The following KCNJ3 variants were observed in gnomAD, a reference collection of about 807,000 sequenced individuals.
KCNJ3 encodes G protein-activated inward rectifier potassium channel 1.
In KCNJ3, 4 loss-of-function variants were observed where a neutral mutation model predicts 39.2. The ratio of observed to expected loss-of-function variants is 0.10; its 90% CI spans 0.05 to 0.23. KCNJ3 has a LOEUF of 0.23. Ranked by LOEUF, KCNJ3 falls within the 10% of genes least tolerant of loss-of-function variation. The pLI is 1.00. For synonymous variants in KCNJ3, 230 were observed against 237.4 expected, an observed-to-expected ratio of 0.97 and a Z score of 0.29; for missense variants, 276 against 634.9, an observed-to-expected ratio of 0.43 and a Z score of 6.08.
chr2:154,843,450 G>A (rs868864180), intron 2 of KCNJ3, among the ~76,000 whole-genome samples: 2 of 152,076 alleles, frequency 1.3e-5, no homozygotes, highest in Non-Finnish European at 2.9e-5. Context: ...TCTTTGTGGT[G>A]TTCTCTGTAT....
At chr2:154,854,662 C>A in intron 2 of KCNJ3, 65 bp from the exon 3 acceptor site, 1 of 1,226,670 alleles carries the variant, frequency 8.2e-7, no homozygotes, top group Non-Finnish European at 1.2e-6. Context: ...ATTATTTAGG[C>A]CAAACCGGCT....
intron 2 of KCNJ3, among the ~76,000 whole-genome samples, chr2:154,779,669 G>A (rs1036979511): frequency 6.6e-6 from 1 of 150,854 alleles, no homozygotes; most frequent in Non-Finnish European, 1.5e-5. Flanking sequence ...TCAGCCTCCC[G>A]AGTAGCTGGG....
intron 2 of KCNJ3, among the ~76,000 whole-genome samples, chr2:154,795,230 T>A (rs1000662301): frequency 3.3e-5 from 5 of 152,072 alleles, no homozygotes; most frequent in Admixed American, 1.3e-4. Context: ...CAAACAAGTA[T>A]ACATTGTTCA....
chr2:154,847,625 TGTA>T (rs1369308115), intron 2 of KCNJ3, among the ~76,000 whole-genome samples: 1 of 152,216 alleles, frequency 6.6e-6, no homozygotes, highest in Non-Finnish European at 1.5e-5. Flanking sequence ...AAATGAAAGT[TGTA>T]GTCATATAGC....
chr2:154,730,781 A>T (rs1290264403), intron 2 of KCNJ3, among the ~76,000 whole-genome samples: 2 of 152,078 alleles, frequency 1.3e-5, no homozygotes, highest in African/African-American at 4.8e-5. Context: ...AACATATTCT[A>T]GTTTGAATCT....
At chr2:154,725,448 T>C (rs757132035) in intron 2 of KCNJ3, among the ~76,000 whole-genome samples, 6 of 152,006 alleles carry the variant, frequency 3.9e-5, no homozygotes, top group Non-Finnish European at 7.4e-5. Flanking sequence ...CAGTTCAGTG[T>C]GTCATTTTGT....
At chr2:154,722,336 T>C (rs977820448) in intron 2 of KCNJ3, among the ~76,000 whole-genome samples, 2 of 152,004 alleles carry the variant, frequency 1.3e-5, no homozygotes, top group African/African-American at 2.4e-5. Flanking sequence ...TGATGAGTAG[T>C]GTAAATTGGG....
intron 2 of KCNJ3, among the ~76,000 whole-genome samples, chr2:154,755,111 T>C (rs1049254497): frequency 1.3e-5 from 2 of 152,130 alleles, no homozygotes. Context: ...TAATTGGAAA[T>C]GTGTATTTTT....
chr2:154,854,402 T>G (rs968272551), intron 2 of KCNJ3, among the ~76,000 whole-genome samples: 3 of 152,202 alleles, frequency 2.0e-5, no homozygotes, highest in African/African-American at 7.2e-5. Flanking sequence ...TTACATAATT[T>G]TTCCACTTAT....
At chr2:154,708,193 A>G (rs561942489) in intron 1 of KCNJ3, among the ~76,000 whole-genome samples, 154 of 152,278 alleles carry the variant, frequency 1.0e-3, no homozygotes, top group African/African-American at 3.5e-3. Flanking sequence ...TACACAAATA[A>G]TATCCGTGAA....
At chr2:154,712,849 T>G (rs1203697491) in intron 2 of KCNJ3, among the ~76,000 whole-genome samples, 6 of 151,960 alleles carry the variant, frequency 3.9e-5, no homozygotes, top group Non-Finnish European at 5.9e-5. Context: ...GTAGGCTGTT[T>G]TAGGCTAATA....
At chr2:154,812,926 A>T (rs1687027427) in intron 2 of KCNJ3, among the ~76,000 whole-genome samples, 1 of 152,168 alleles carries the variant, frequency 6.6e-6, no homozygotes, top group African/African-American at 2.4e-5. Flanking sequence ...CACTTTGTGT[A>T]TATCTTATAT....
intron 2 of KCNJ3, among the ~76,000 whole-genome samples, chr2:154,797,202 A>G (rs1360517332): frequency 2.0e-5 from 3 of 152,306 alleles, no homozygotes; most frequent in African/African-American, 2.4e-5. Context: ...GAAGCATTTT[A>G]GTTACATTCT....
chr2:154,716,274 T>C (rs1385974554), intron 2 of KCNJ3, among the ~76,000 whole-genome samples: 2 of 79,962 alleles, frequency 2.5e-5, no homozygotes, highest in African/African-American at 3.5e-5. Context: ...CACGGCCGGC[T>C]AATTTTTTTT....
At chr2:154,840,400 T>C (rs1336900608) in intron 2 of KCNJ3, among the ~76,000 whole-genome samples, 1 of 152,206 alleles carries the variant, frequency 6.6e-6, no homozygotes, top group Non-Finnish European at 1.5e-5. Context: ...TTCTTTTGGC[T>C]TAGGATTGAC....
chr2:154,721,008 T>C (rs982170741), intron 2 of KCNJ3, among the ~76,000 whole-genome samples: 1 of 136,598 alleles, frequency 7.3e-6, no homozygotes, highest in Non-Finnish European at 1.6e-5. Flanking sequence ...TGTTATCTAG[T>C]TTTTTTTTTC....
intron 2 of KCNJ3, among the ~76,000 whole-genome samples, chr2:154,815,267 A>T (rs749332962): frequency 6.6e-6 from 1 of 152,200 alleles, no homozygotes; most frequent in Non-Finnish European, 1.5e-5. Context: ...AATCCTAAAA[A>T]GGTAAACATA....
chr2:154,802,189 T>G (rs761077246), intron 2 of KCNJ3, among the ~76,000 whole-genome samples: 3 of 146,376 alleles, frequency 2.0e-5, no homozygotes, highest in African/African-American at 5.1e-5. Context: ...ATTTGGGGAG[T>G]TTTTTTTTTT....
chr2:154,749,591 T>G (rs1465513397), intron 2 of KCNJ3, among the ~76,000 whole-genome samples: 1 of 152,072 alleles, frequency 6.6e-6, no homozygotes, highest in Non-Finnish European at 1.5e-5. Flanking sequence ...ATTTTGCGCT[T>G]TCCTTTATTT....
Sources: gnomAD v4.1 joint callset for allele counts (sites outside exome capture counted in the v4.1 genomes callset) on GRCh38, gnomAD v4.1.1 for gene constraint, MANE v1.5 for transcripts, NCBI Gene and HGNC (gene_info 2026-07-23, HGNC 2026-07-21) for gene names.